Variants in PGC observed in about 807,000 individuals in gnomAD.
PGC encodes gastricsin.
PGC carries 31 observed loss-of-function variants against 45.9 expected under a neutral mutation model. The ratio of observed to expected loss-of-function variants is 0.67; its 90% CI spans 0.51 to 0.91. The LOEUF (loss-of-function observed/expected upper bound fraction) is 0.91. Ranked by LOEUF, PGC falls within the 40% of genes least tolerant of loss-of-function variation. The pLI is 0.00. For missense variants in PGC, 477 were observed against 493.2 expected, an observed-to-expected ratio of 0.97 and a Z score of 0.31; for synonymous variants, 192 against 201.8, an observed-to-expected ratio of 0.95 and a Z score of 0.41.
At position 41,745,014 on chromosome 6, in the gene PGC, T is replaced by TGTGTGC. The variant is rs1415285815; in HGVS notation, c.60-207_60-206insGCACAC. ...GTCTCTCTGTGTGTGTGTGTGTGTG[T>TGTGTGC]GCGCGCGCGCGTGTTTCTTCCTCCC... On this transcript the variant is annotated intron_variant, in intron 1 of 8. Transcript: ENST00000373025. 5.0e-3 allele frequency among the ~76,000 whole-genome samples: 500 copies of TGTGTGC among 99,882 alleles called. 7 individuals are homozygous for TGTGTGC. Among genetic ancestry groups the TGTGTGC allele is most frequent in the African/African-American group, 0.013 (472 of 36,874 alleles). 65.5% of individuals were successfully genotyped at this position (99,882 alleles called of 152,430 possible).
At position 41,744,658 on chromosome 6, in the gene PGC, A is replaced by G; in HGVS notation, c.210T>C (p.Asp70=). 6.2e-7 allele frequency: 1 copy of G among 1,614,096 alleles called. No homozygotes were observed. Among genetic ancestry groups the G allele is most frequent in the Non-Finnish European group, 8.5e-7 (1 of 1,179,970 alleles). ...SVTYEPMAYM[D]AAYFGEISIG... Reference sequence around the variant, plus strand: ...ACCGCCAGAAAGGGTCAGGACTCACATCCATGTAGGCCATGGGCTCGTAGG... The same window carrying G: ...ACCGCCAGAAAGGGTCAGGACTCACGTCCATGTAGGCCATGGGCTCGTAGG... The change falls in exon 2 of 9, where the codon GAT becomes GAC. Residue 70 remains aspartate (D), a splice_region_variant and synonymous_variant. Coordinates refer to ENST00000373025, the MANE Select transcript of PGC (RefSeq NM_002630.4). The surrounding 1 kb of genome is among the most constrained non-coding windows in gnomAD (Gnocchi z 4.4).
rs201452329 is a variant in PGC, at chr6:41,744,360, C to T, written c.328+37G>A. The T allele has an allele frequency of 4.7e-6, 7 of 1,484,218 alleles. No homozygotes were observed. In the Admixed American group the frequency reaches 1.1e-4, roughly 22 times the overall value. The allele number at this position is 1,484,218 out of a possible 1,614,324, so 91.9% of individuals were successfully genotyped here. ...CCCCAGAGGGTATCAGTGCCTTGCC[C>T]TGCCAACCACCCCTCTCTGCCCAGC... On this transcript the variant is annotated intron_variant, in intron 3 of 8. Coordinates refer to ENST00000373025, the MANE Select transcript of PGC (RefSeq NM_002630.4). This position sits in a 1 kb window ranked among gnomAD's most constrained non-coding sequence, Gnocchi z 4.4.
intron 1 of PGC, among the ~76,000 whole-genome samples, chr6:41,746,844 G>A (rs538945737): frequency 1.6e-4 from 24 of 152,308 alleles, no homozygotes; most frequent in Middle Eastern, 3.4e-3. Context: ...ACATTTACTG[G>A]TGTTTCTGCT....
chr6:41,742,339 C>A lies in PGC; in HGVS notation c.598G>T (p.Val200Leu). 6.2e-7 allele frequency: 1 copy of A among 1,614,182 alleles called. No individual in the cohort carries two copies. Residue 200 changes from valine to leucine, a missense_variant, in exon 5 of 9, where the codon GTG (valine) becomes TTG (leucine). Coordinates refer to ENST00000373025, the MANE Select transcript of PGC (RefSeq NM_002630.4). ...GGGCTGGTGAGGGCGCCCTCCTGCA[C>A]CATGCCCTGCATAGCTGTGGTGGCC... The part of the protein sequence containing the change: ...DEATTAMQGM[V>L]QEGALTSPVF...
chr6:41,742,389 GCCAGGCCCATGA>G lies in PGC; in HGVS notation c.536_547del (p.Ile179_Ala183delinsThr). On this transcript the variant is annotated inframe_deletion, in exon 5 of 9. Coordinates refer to ENST00000373025, the MANE Select transcript of PGC (RefSeq NM_002630.4). ...CTCATCCACGGACAGAGCAGGGTAG[GCCAGGCCCATGA>G]TGCCATCAAACTGCGCATAGACGAA... is the stretch of plus-strand genomic sequence containing the variant. The G allele has an allele frequency of 1.2e-6, 2 of 1,614,096 alleles. No individual in the cohort carries two copies. The highest frequency in any genetic ancestry group is 1.7e-6 in the Non-Finnish European group (2 of 1,179,982).
intron 5 of PGC, chr6:41,741,248 C>T: frequency 1.4e-6 from 2 of 1,454,204 alleles, no homozygotes; most frequent in Non-Finnish European, 1.8e-6. Flanking sequence ...GCAGAGGAAT[C>T]ATAAACAGAG....
At position 41,741,895 on chromosome 6, in the gene PGC, G is replaced by A; in HGVS notation, c.647+395C>T. ...AGCAATACATTACTATGCAAAAGAG[G>A]GATACAGGTAGAAAACATTCGGTCA... On this transcript the variant is annotated intron_variant, in intron 5 of 8. Transcript: ENST00000373025. 5.1e-6 allele frequency: 7 copies of A among 1,363,930 alleles called. No individual in the cohort carries two copies. In the South Asian group the frequency reaches 6.2e-5, roughly 12 times the overall value. 84.5% of individuals were successfully genotyped at this position (1,363,930 alleles called of 1,614,324 possible). A position where few individuals can be genotyped will look rare whatever the true frequency, so the allele number is the denominator to read the frequency against.
chr6:41,744,897 G>A lies in PGC; in HGVS notation c.60-89C>T, dbSNP rs953088238. 2.9e-5 allele frequency: 34 copies of A among 1,166,090 alleles called. No individual in the cohort carries two copies. The African/African-American group carries it at 5.0e-4, about 17-fold the overall frequency. The allele number at this position is 1,166,090 out of a possible 1,614,324, so 72.2% of individuals were successfully genotyped here. A position where few individuals can be genotyped will look rare whatever the true frequency, so the allele number is the denominator to read the frequency against. ...CTCTCTCTCCTTCTCTTAACTGCAT[G>A]CTTCAACCTCCCTGCCACTCTGTTT... On this transcript the variant is annotated intron_variant, in intron 1 of 8. Coordinates refer to ENST00000373025, the MANE Select transcript of PGC (RefSeq NM_002630.4). The surrounding 1 kb of genome is among the most constrained non-coding windows in gnomAD (Gnocchi z 4.4).
chr6:41,746,243 C>T (rs934044799), intron 1 of PGC, among the ~76,000 whole-genome samples: 6 of 152,132 alleles, frequency 3.9e-5, no homozygotes, highest in Non-Finnish European at 8.8e-5. Flanking sequence ...AGGCACCTGG[C>T]ACCAGCTGGA....
Position 41,744,727 on chromosome 6 carries a change from C to T in PGC, c.141G>A (p.Lys47=). 1 of 1,614,140 alleles carries T rather than the reference C, an allele frequency of 6.2e-7. No individual in the cohort carries two copies. Among genetic ancestry groups the T allele is most frequent in the Non-Finnish European group, 8.5e-7 (1 of 1,179,974 alleles). Residue 47 remains lysine (K), a synonymous_variant, in exon 2 of 9, where the codon AAG becomes AAA. Coordinates refer to ENST00000373025, the MANE Select transcript of PGC (RefSeq NM_002630.4). The surrounding 1 kb of genome is among the most constrained non-coding windows in gnomAD (Gnocchi z 4.4). ...GLLGEFLRTH[K]YDPAWKYRFG... ...AGCGGTACTTCCAAGCAGGATCATA[C>T]TTGTGGGTCCTCAGGAACTCCCCCA...
chr6:41,742,548 T>C (rs1351538309), intron 4 of PGC, 59 bp from the exon 5 acceptor site: 11 of 1,319,980 alleles, frequency 8.3e-6, no homozygotes, highest in Non-Finnish European at 1.1e-5. Context: ...CTCCTCCAGG[T>C]TCCCCTAGAG....
At position 41,744,995 on chromosome 6, in the gene PGC, CTG is replaced by C. The variant is rs964698410; in HGVS notation, c.60-189_60-188del. On this transcript the variant is annotated intron_variant, in intron 1 of 8. Transcript: ENST00000373025. This position sits in a 1 kb window ranked among gnomAD's most constrained non-coding sequence, Gnocchi z 4.4. ...TCTCTGTCTCTGTCTGTCTGTCTCT[CTG>C]TGTGTGTGTGTGTGTGTGCGCGCGC... Among the ~76,000 whole-genome samples, 65 of 114,310 alleles carry C rather than the reference CTG, an allele frequency of 5.7e-4. No individual in the cohort carries two copies. The highest frequency in any genetic ancestry group is 1.6e-3 in the South Asian group (6 of 3,740). 75.0% of individuals were successfully genotyped at this position (114,310 alleles called of 152,430 possible).
intron 1 of PGC, 93 bp downstream of exon 1, chr6:41,747,183 G>A: frequency 1.9e-6 from 2 of 1,037,388 alleles, no homozygotes; most frequent in Non-Finnish European, 3.0e-6. Context: ...CCAGAGTAGA[G>A]ACAGGCAGGG....
intron 1 of PGC, 113 bp downstream of exon 1, chr6:41,747,163 A>C (rs1298744195): frequency 1.2e-6 from 1 of 855,940 alleles, no homozygotes; most frequent in East Asian, 2.4e-5. Context: ...CCCTTCCCCT[A>C]GCAGAAGTCC....
Position 41,744,534 on chromosome 6 carries a change from C to A in PGC, c.211-20G>T. 6.2e-7 allele frequency: 1 copy of A among 1,602,782 alleles called. No individual in the cohort carries two copies. The highest frequency in any genetic ancestry group is 1.7e-4 in the Middle Eastern group (1 of 6,016). On this transcript the variant is annotated intron_variant, in intron 2 of 8. Transcript: ENST00000373025. The surrounding 1 kb of genome is among the most constrained non-coding windows in gnomAD (Gnocchi z 4.4). ...GGCAGCCTGGGGGCCATGGAGCAAG[C>A]TGTTAGTTCCAGAGGGATCCAGGGG...
At chr6:41,742,515 G>T (rs1408468082) in intron 4 of PGC, 26 bp from the exon 5 acceptor site, 9 of 1,593,978 alleles carry the variant, frequency 5.6e-6, no homozygotes, top group East Asian at 2.2e-5. Flanking sequence ...ACGAGGGGAG[G>T]TGACCAGTCT....
rs1187282554 is a variant in PGC at position 41,742,307 on chromosome 6, G to A, written c.630C>T (p.Phe210=). ...TTGCTCACTTGCTGAGGTAGACGCT[G>A]AAGACGGGGCTGGTGAGGGCGCCCT... ...VQEGALTSPV[F]SVYLSNQQGS... Residue 210 remains phenylalanine, a synonymous_variant, in exon 5 of 9, where the codon TTC becomes TTT. Coordinates refer to ENST00000373025, the MANE Select transcript of PGC (RefSeq NM_002630.4). 1 of 1,613,960 alleles carries A rather than the reference G, an allele frequency of 6.2e-7. No homozygotes were observed. The highest frequency in any genetic ancestry group is 8.5e-7 in the Non-Finnish European group (1 of 1,179,984).
intron 5 of PGC, chr6:41,741,358 G>T: frequency 3.5e-6 from 3 of 850,834 alleles, no homozygotes; most frequent in South Asian, 2.0e-5. Context: ...GAAAGTGGCT[G>T]CCTAAGGCCG....
intron 5 of PGC, chr6:41,740,875 C>T: frequency 7.0e-7 from 1 of 1,432,204 alleles, no homozygotes; most frequent in Non-Finnish European, 9.1e-7. Context: ...CTGGGGCTCC[C>T]TGAGGATGGG....
Sources: allele counts gnomAD v4.1 joint callset (sites outside exome capture counted in the v4.1 genomes callset), GRCh38; gene constraint gnomAD v4.1.1; non-coding constraint Gnocchi (gnomAD v3.1); transcripts MANE v1.5; gene names NCBI Gene and HGNC (gene_info 2026-07-23, HGNC 2026-07-21).